The following DPP3 variants were observed in gnomAD, a reference collection of about 807,000 sequenced individuals.
DPP3 encodes DPP III.
Under a neutral mutation model 89.8 loss-of-function variants are expected in DPP3, and 64 were observed. That is an observed-to-expected ratio of 0.71 (90% CI 0.58 to 0.88). DPP3 has a LOEUF of 0.88. Ranked by LOEUF, DPP3 falls within the 40% of genes least tolerant of loss-of-function variation. The probability of loss-of-function intolerance (pLI) is 0.00; values close to 1 mark genes in which losing one functional copy is unlikely to be tolerated. For synonymous variants in DPP3, 377 were observed against 404.3 expected (o/e 0.93, Z 0.81); for missense variants, 835 against 972.5 (o/e 0.86, Z 1.88).
chr11:66,509,144 C>A lies in DPP3; in HGVS notation c.2107C>A (p.Arg703Ser), dbSNP rs201013550. The A allele has an allele frequency of 6.8e-6, 11 of 1,614,204 alleles. No individual in the cohort carries two copies. The highest frequency in any genetic ancestry group is 9.3e-6 in the Non-Finnish European group (11 of 1,180,044). Residue 703 changes from arginine to serine, a missense_variant, in exon 18 of 18, where the codon CGT (arginine) becomes AGT (serine). Transcript: ENST00000531863. ...AAGLIRSFSERFPEDGPELEE... is the reference protein window; with the variant it reads ...AAGLIRSFSESFPEDGPELEE... ...TGGCCTCATCCGATCCTTCTCTGAG[C>A]GTTTCCCAGAGGATGGACCCGAGTT...
intron 16 of DPP3, among the ~76,000 whole-genome samples, chr11:66,502,417 C>T (rs551266238): frequency 6.6e-6 from 1 of 151,842 alleles, no homozygotes; most frequent in Non-Finnish European, 1.5e-5. Flanking sequence ...AAGAGATTCT[C>T]CTGCCTCAGC....
Position 66,486,623 on chromosome 11 carries a change from G to A in DPP3, c.444G>A (p.Gly148=), listed in dbSNP as rs767070171. 7 of 1,583,468 alleles carry A rather than the reference G, an allele frequency of 4.4e-6. No individual in the cohort carries two copies. Among genetic ancestry groups the A allele is most frequent in the Admixed American group, 3.5e-5 (2 of 56,986 alleles). ...TCAGGGGCCTCTGGCAGACCTGCGG[G>A]GAGCTTATGTTCTCTCTGGAGCCAA... The part of the protein sequence containing the change: ...EEVRGLWQTC[G]ELMFSLEPRL... The change falls in exon 4 of 18, where the codon GGG becomes GGA. Residue 148 remains glycine, a synonymous_variant. Coordinates refer to ENST00000531863, the MANE Select transcript of DPP3 (RefSeq NM_130443.4).
chr11:66,507,340 G>A (rs978167836), intron 17 of DPP3, among the ~76,000 whole-genome samples: 16 of 151,942 alleles, frequency 1.1e-4, no homozygotes, highest in Non-Finnish European at 1.8e-4. Context: ...GGTTGCAGGC[G>A]CCTGTAGTCC....
rs143000945 is a variant in DPP3, at chr11:66,493,694, C to G, written c.1389+61C>G. ...TACAGCTCCACTCCCCACAACCTGCCCTACCCAGCGGTGAAGCTGCTCCAG... is the reference window on the plus strand; with the variant it reads ...TACAGCTCCACTCCCCACAACCTGCGCTACCCAGCGGTGAAGCTGCTCCAG... On this transcript the variant is annotated intron_variant, in intron 12 of 17. Transcript: ENST00000531863. The G allele has an allele frequency of 2.3e-3, 3,512 of 1,519,266 alleles. 52 individuals carry two copies. In the African/African-American group the frequency reaches 0.037, roughly 16 times the overall value. 94.1% of individuals were successfully genotyped at this position (1,519,266 alleles called of 1,614,324 possible).
Position 66,495,470 on chromosome 11 carries a change from C to G in DPP3, c.1558C>G (p.Leu520Val). 6.2e-7 allele frequency: 1 copy of G among 1,611,772 alleles called. No individual in the cohort carries two copies. Among genetic ancestry groups the G allele is most frequent in the Non-Finnish European group, 8.5e-7 (1 of 1,178,810 alleles). Residue 520 changes from leucine to valine, a missense_variant, in exon 14 of 18, where the codon CTC becomes GTC. Transcript: ENST00000531863. ...RAESVGLYLC[L>V]HPQVLEIFGF... ...TGAGAGCGTGGGTCTCTACCTCTGT[C>G]TCCACCCGCAAGTGCTGGAGTAAGA... is the stretch of plus-strand genomic sequence containing the variant.
chr11:66,504,602 CT>C lies in DPP3; in HGVS notation c.1879-8del. Reference sequence around the variant, plus strand: ...GCCCATCCTAGACATTTACTCCATCCTTCTCACAGGTGCTGAAGTCCACAGG... The same window carrying C: ...GCCCATCCTAGACATTTACTCCATCCTCTCACAGGTGCTGAAGTCCACAGG... On this transcript the variant is annotated splice_polypyrimidine_tract_variant and intron_variant, in intron 16 of 17. Transcript: ENST00000531863. The C allele has an allele frequency of 1.2e-6, 2 of 1,601,238 alleles. No homozygotes were observed. Among genetic ancestry groups the C allele is most frequent in the South Asian group, 2.2e-5 (2 of 89,380 alleles).
intron 16 of DPP3, 124 bp from the exon 17 acceptor site, chr11:66,504,488 G>A: frequency 9.3e-7 from 1 of 1,071,270 alleles, no homozygotes; most frequent in East Asian, 2.9e-5. Flanking sequence ...AATTTTGGAG[G>A]GGACACATTC....
intron 14 of DPP3, 24 bp downstream of exon 14, chr11:66,495,513 C>A: frequency 6.2e-7 from 1 of 1,608,608 alleles, no homozygotes. Flanking sequence ...GGCCGAGGGG[C>A]GGGCTGTCCC....
chr11:66,506,086 T>C (rs937813128), intron 17 of DPP3, among the ~76,000 whole-genome samples: 3 of 152,020 alleles, frequency 2.0e-5, no homozygotes, highest in Non-Finnish European at 4.4e-5. Context: ...GTAGCTGGTA[T>C]AACAGGCGCC....
rs771292565 is a variant in DPP3, at chr11:66,495,485, C to A, written c.1573C>A (p.Leu525Met). Residue 525 changes from leucine (L) to methionine (M), a missense_variant, in exon 14 of 18, where the codon CTG (leucine) becomes ATG (methionine). By Grantham distance (15) the Leu-to-Met change is conservative (BLOSUM62 2). Transcript: ENST00000531863. ...CTACCTCTGTCTCCACCCGCAAGTG[C>A]TGGAGTAAGAGCAGCAGGGCCGAGG... is the stretch of plus-strand genomic sequence containing the variant. ...GLYLCLHPQV[L>M]EIFGFEGADA... 1.2e-6 allele frequency: 2 copies of A among 1,611,100 alleles called. No individual in the cohort carries two copies. Among genetic ancestry groups the A allele is most frequent in the South Asian group, 2.2e-5 (2 of 90,790 alleles).
chr11:66,491,630 G>C lies in DPP3; in HGVS notation c.929+6G>C. 6.2e-7 allele frequency: 1 copy of C among 1,611,892 alleles called. No homozygotes were observed. The highest frequency in any genetic ancestry group is 1.1e-5 in the South Asian group (1 of 91,004). The stretch of plus-strand genomic sequence containing the variant: ...AAAGGCCCCATCGTGGAGAGGTGAG[G>C]CGCCAGCTCCACCCCACCTGCCCCC... On this transcript the variant is annotated splice_donor_region_variant and intron_variant, in intron 8 of 17. Transcript: ENST00000531863.
At chr11:66,490,063 C>T (rs769981039) in intron 6 of DPP3, among the ~76,000 whole-genome samples, 1 of 150,318 alleles carries the variant, frequency 6.7e-6, no homozygotes, top group Non-Finnish European at 1.5e-5. Context: ...CCTGTAATCC[C>T]AGCTACTCAG....
At chr11:66,480,760 G>A (rs2134711758) in intron 1 of DPP3, 1 of 343,060 alleles carries the variant, frequency 2.9e-6, no homozygotes, top group Admixed American at 4.8e-5. Context: ...CCGGGTTGGG[G>A]AATCCCCGGG....
intron 17 of DPP3, among the ~76,000 whole-genome samples, chr11:66,505,244 A>T (rs1855771492): frequency 6.6e-6 from 1 of 152,190 alleles, no homozygotes; most frequent in Non-Finnish European, 1.5e-5. Flanking sequence ...CGACAATTCC[A>T]GAGCCTTGGC....
intron 2 of DPP3, among the ~76,000 whole-genome samples, chr11:66,484,836 G>A (rs1206310686): frequency 6.6e-6 from 1 of 152,184 alleles, no homozygotes; most frequent in Non-Finnish European, 1.5e-5. Context: ...AGGCTCTGGA[G>A]AAAGAGGGAG....
At chr11:66,502,348 C>G (rs1855699804) in intron 16 of DPP3, among the ~76,000 whole-genome samples, 2 of 151,748 alleles carry the variant, frequency 1.3e-5, no homozygotes, top group African/African-American at 4.8e-5. Flanking sequence ...CGCTCTGTCC[C>G]CCAGGCTGGA....
chr11:66,497,702 G>A (rs1855575304), intron 16 of DPP3, among the ~76,000 whole-genome samples: 1 of 152,072 alleles, frequency 6.6e-6, no homozygotes, highest in Non-Finnish European at 1.5e-5. Context: ...ACTAGCCTGG[G>A]CAACATGGCA....
intron 16 of DPP3, among the ~76,000 whole-genome samples, chr11:66,498,006 G>T (rs1855583970): frequency 6.6e-6 from 1 of 152,014 alleles, no homozygotes; most frequent in South Asian, 2.1e-4. Context: ...CGTGATCTCG[G>T]CTCACTGTAA....
At chr11:66,480,582 A>G in intron 1 of DPP3, 117 bp downstream of exon 1, 1 of 1,211,140 alleles carries the variant, frequency 8.3e-7, no homozygotes, top group Non-Finnish European at 1.1e-6. Flanking sequence ...ACCCCCTCCA[A>G]ATTCACCCCG....
Sources: allele counts gnomAD v4.1 joint callset (sites outside exome capture counted in the v4.1 genomes callset), GRCh38; gene constraint gnomAD v4.1.1; transcripts MANE v1.5; gene names NCBI Gene and HGNC (gene_info 2026-07-23, HGNC 2026-07-21).